The following NEGR1 variants were observed in gnomAD, a reference collection of about 807,000 sequenced individuals.
NEGR1 encodes IgLON family member 4.
A neutral mutation model predicts 40.9 loss-of-function variants in NEGR1; 10 were observed. The observed-to-expected ratio is 0.24, with a 90% confidence interval of 0.15 to 0.42. NEGR1 has a LOEUF of 0.42. Ranked by LOEUF, NEGR1 falls within the 10% of genes least tolerant of loss-of-function variation. NEGR1 has a pLI of 1.00. For synonymous variants in NEGR1, 185 were observed against 166.8 expected, an observed-to-expected ratio of 1.11 and a Z score of -0.84; for missense variants, 352 against 438.9, an observed-to-expected ratio of 0.80 and a Z score of 1.77.
chr1:71,954,916 T>C lies in NEGR1; in HGVS notation c.177-19605A>G, dbSNP rs543860516. Among the ~76,000 whole-genome samples the C allele has an allele frequency of 5.9e-5, 9 of 152,260 alleles. No individual in the cohort carries two copies. In the South Asian group the frequency reaches 1.9e-3, roughly 32 times the overall value. On this transcript the variant is annotated intron_variant, in intron 1 of 6. Coordinates refer to ENST00000357731, the MANE Select transcript of NEGR1 (RefSeq NM_173808.3). ...TATGAAAATGTATATGGTGATAACC[T>C]AGATATTAATAAAATATGCAAAAGT...
At chr1:71,747,149 T>C (rs968641546) in intron 3 of NEGR1, among the ~76,000 whole-genome samples, 21 of 152,112 alleles carry the variant, frequency 1.4e-4, no homozygotes, top group African/African-American at 5.1e-4. Flanking sequence ...AAAGGGGCAA[T>C]TGACTTAGTG....
At chr1:71,455,561 C>T (rs956799383) in intron 6 of NEGR1, among the ~76,000 whole-genome samples, 2 of 152,114 alleles carry the variant, frequency 1.3e-5, no homozygotes, top group Non-Finnish European at 2.9e-5. Flanking sequence ...ACCGTCTCTA[C>T]TAAAATACAA....
intron 1 of NEGR1, among the ~76,000 whole-genome samples, chr1:71,959,480 G>A (rs1646145666): frequency 6.6e-6 from 1 of 151,972 alleles, no homozygotes; most frequent in Non-Finnish European, 1.5e-5. Context: ...CTGGAAAAAT[G>A]GGTTACGTTA....
At chr1:72,141,448 T>C (rs1248923099) in intron 1 of NEGR1, among the ~76,000 whole-genome samples, 2 of 152,050 alleles carry the variant, frequency 1.3e-5, no homozygotes, top group African/African-American at 4.8e-5. Flanking sequence ...TCCAACCTTA[T>C]AGTGTATATT....
chr1:72,230,006 G>C (rs1274586822), intron 1 of NEGR1, among the ~76,000 whole-genome samples: 2 of 152,062 alleles, frequency 1.3e-5, no homozygotes, highest in Non-Finnish European at 2.9e-5. Context: ...CTGGTTCAGT[G>C]GGAGTTCTCT....
intron 4 of NEGR1, among the ~76,000 whole-genome samples, chr1:71,688,155 C>T (rs1490811541): frequency 6.6e-6 from 1 of 150,874 alleles, no homozygotes; most frequent in Non-Finnish European, 1.5e-5. Flanking sequence ...AAGAAATTGG[C>T]ATACACAAAG....
intron 1 of NEGR1, among the ~76,000 whole-genome samples, chr1:72,276,105 A>G (rs1363455734): frequency 6.6e-6 from 1 of 152,062 alleles, no homozygotes; most frequent in East Asian, 1.9e-4. Flanking sequence ...TCAGAAAAAG[A>G]AAAGAAAAGA....
chr1:71,728,857 C>T (rs1438788613), intron 3 of NEGR1, among the ~76,000 whole-genome samples: 1 of 152,090 alleles, frequency 6.6e-6, no homozygotes. Flanking sequence ...AGTGATAGTC[C>T]ACCTGGGAGG....
chr1:71,743,514 T>A (rs1655282001), intron 3 of NEGR1, among the ~76,000 whole-genome samples: 1 of 152,270 alleles, frequency 6.6e-6, no homozygotes, highest in South Asian at 2.1e-4. Context: ...TAATGCTGAT[T>A]ATGTTGAATA....
intron 6 of NEGR1, among the ~76,000 whole-genome samples, chr1:71,469,094 T>G (rs1300117257): frequency 1.3e-5 from 2 of 152,076 alleles, no homozygotes; most frequent in African/African-American, 2.4e-5. Context: ...TCTGAAAAGC[T>G]TGTTCCTCCT....
chr1:72,082,001 C>T (rs1379642750), intron 1 of NEGR1, among the ~76,000 whole-genome samples: 2 of 152,098 alleles, frequency 1.3e-5, no homozygotes, highest in African/African-American at 4.8e-5. Context: ...GTGTAGCAAG[C>T]TGTATACATG....
chr1:72,246,407 C>A (rs1654904814), intron 1 of NEGR1, among the ~76,000 whole-genome samples: 1 of 152,146 alleles, frequency 6.6e-6, no homozygotes, highest in Non-Finnish European at 1.5e-5. Flanking sequence ...AAATTTAATT[C>A]ACTCCAAATC....
chr1:72,026,667 C>T (rs986408981), intron 1 of NEGR1, among the ~76,000 whole-genome samples: 2 of 152,104 alleles, frequency 1.3e-5, no homozygotes, highest in South Asian at 2.1e-4. Context: ...TGGCCACCAA[C>T]TGCATAACTA....
At chr1:71,958,785 C>T (rs1646138706) in intron 1 of NEGR1, among the ~76,000 whole-genome samples, 1 of 151,994 alleles carries the variant, frequency 6.6e-6, no homozygotes, top group African/African-American at 2.4e-5. Flanking sequence ...AACCCCATCT[C>T]TATTAAAAAT....
intron 3 of NEGR1, among the ~76,000 whole-genome samples, chr1:71,729,332 T>C (rs952225192): frequency 2.0e-5 from 3 of 152,184 alleles, no homozygotes; most frequent in Admixed American, 6.5e-5. Context: ...CAATCCACTT[T>C]ACCAGGTTTT....
chr1:72,149,879 CAAAAAAA>C (rs1180110033), intron 1 of NEGR1, among the ~76,000 whole-genome samples: 47 of 39,368 alleles, frequency 1.2e-3, no homozygotes, highest in South Asian at 2.9e-3. Flanking sequence ...AAAACTCTGT[CAAAAAAA>C]AAAAAAAAAA....
intron 2 of NEGR1, among the ~76,000 whole-genome samples, chr1:71,830,945 A>G (rs977685305): frequency 3.3e-5 from 5 of 150,878 alleles, no homozygotes; most frequent in African/African-American, 1.2e-4. Flanking sequence ...AGTTGTGGGA[A>G]AAAAAAAATG....
intron 6 of NEGR1, among the ~76,000 whole-genome samples, chr1:71,569,101 A>G (rs952553824): frequency 6.6e-6 from 1 of 152,056 alleles, no homozygotes; most frequent in Admixed American, 6.6e-5. Flanking sequence ...TATTTTTAGT[A>G]GAGACAGGGT....
chr1:71,614,457 A>G (rs1295102508), intron 4 of NEGR1, among the ~76,000 whole-genome samples: 1 of 152,198 alleles, frequency 6.6e-6, no homozygotes, highest in East Asian at 1.9e-4. Flanking sequence ...ATATTAAAAA[A>G]TCTATAAATA....
Sources: gnomAD v4.1 joint callset for allele counts (sites outside exome capture counted in the v4.1 genomes callset) on GRCh38, gnomAD v4.1.1 for gene constraint, MANE v1.5 for transcripts, NCBI Gene and HGNC (gene_info 2026-07-23, HGNC 2026-07-21) for gene names.